The following PI4KA variants were observed in gnomAD, a reference collection of about 807,000 sequenced individuals.
PI4KA encodes PI4-kinase alpha.
A neutral mutation model predicts 271.4 loss-of-function variants in PI4KA; 122 were observed. The observed-to-expected ratio is 0.45, with a 90% CI of 0.39 to 0.52. The LOEUF is 0.52. PI4KA is among the 20% of genes least tolerant of loss of function. PI4KA has a pLI of 0.00. For missense variants in PI4KA, 1,969 were observed against 2,769.1 expected, an observed-to-expected ratio of 0.71 and a Z score of 6.48; for synonymous variants, 1,041 against 1,078.8, an observed-to-expected ratio of 0.96 and a Z score of 0.69.
intron 4 of PI4KA, among the ~76,000 whole-genome samples, chr22:20,821,613 G>A (rs1334969707): frequency 1.3e-5 from 2 of 149,770 alleles, no homozygotes; most frequent in Non-Finnish European, 3.0e-5. Context: ...TTGTTTTGAG[G>A]CGCGGTTTCA....
rs370756011 is a variant in PI4KA at position 20,779,128 on chromosome 22, GTCTA to G, written c.2329-13439_2329-13436del. ...ATGAGTCCCACATCAAAGGTTGGGT[GTCTA>G]TCTACATCAGATTCTCTTAAAGTCC... On this transcript the variant is annotated intron_variant, in intron 19 of 54. Transcript: ENST00000255882. The G allele has an allele frequency of 3.4e-6, 5 of 1,469,098 alleles. No individual in the cohort carries two copies. In the African/African-American group the frequency reaches 5.6e-5, roughly 16 times the overall value. The allele number at this position is 1,469,098 out of a possible 1,614,324, so 91.0% of individuals were successfully genotyped here.
At position 20,808,310 on chromosome 22, in the gene PI4KA, G is replaced by A. The variant is rs373536307; in HGVS notation, c.1072-852C>T. Among the ~76,000 whole-genome samples the A allele has an allele frequency of 2.2e-3, 328 of 151,274 alleles. 2 individuals carry two copies. The highest frequency in any genetic ancestry group is 7.9e-3 in the African/African-American group (326 of 41,142). On this transcript the variant is annotated intron_variant, in intron 9 of 54. Coordinates refer to ENST00000255882, the MANE Select transcript of PI4KA (RefSeq NM_058004.4). ...TGTCTCAAAAAAAAAAAAAGGCTGG[G>A]TGCAGTGGCTCTCGCCTGTAATCCC... is the stretch of plus-strand genomic sequence containing the variant.
chr22:20,721,175 T>TCCCCA (rs2147203818), intron 43 of PI4KA, 123 bp downstream of exon 43: 1 of 939,214 alleles, frequency 1.1e-6, no homozygotes, highest in East Asian at 2.4e-5. Flanking sequence ...CAGCAAAGGG[T>TCCCCA]GGGAGTGGAG....
At position 20,820,633 on chromosome 22, in the gene PI4KA, GA is replaced by G. The variant is rs764245223; in HGVS notation, c.457-23del. On this transcript the variant is annotated intron_variant, in intron 4 of 54. Transcript: ENST00000255882. Reference sequence around the variant, plus strand: ...AAATCTGTAACAGTCAAGGAAACAAGAAAAAAAAAACATAAACAAAATTAGG... The same window carrying G: ...AAATCTGTAACAGTCAAGGAAACAAGAAAAAAAAACATAAACAAAATTAGG... The G allele has an allele frequency of 2.4e-3, 3,348 of 1,376,510 alleles. 8 individuals are homozygous for G. The highest frequency in any genetic ancestry group is 4.5e-3 in the South Asian group (333 of 73,598). The allele number at this position is 1,376,510 out of a possible 1,614,324, so 85.3% of individuals were successfully genotyped here.
chr22:20,856,678 C>T (rs1160138247), intron 1 of PI4KA, among the ~76,000 whole-genome samples: 1 of 152,148 alleles, frequency 6.6e-6, no homozygotes, highest in Non-Finnish European at 1.5e-5. Flanking sequence ...AGTGATCTGC[C>T]TGTCTCAGCC....
intron 32 of PI4KA, among the ~76,000 whole-genome samples, chr22:20,739,400 G>A (rs1414273746): frequency 2.7e-5 from 4 of 149,784 alleles, no homozygotes; most frequent in Non-Finnish European, 5.9e-5. Flanking sequence ...TCAGGAGGCC[G>A]AGGCAGCAGA....
At chr22:20,803,784 T>A (rs566961176) in intron 12 of PI4KA, among the ~76,000 whole-genome samples, 47 of 152,272 alleles carry the variant, frequency 3.1e-4, no homozygotes, top group African/African-American at 1.1e-3. Context: ...TCCCAAAGTA[T>A]CGGGATTACA....
chr22:20,814,560 G>A (rs907188337), intron 7 of PI4KA, among the ~76,000 whole-genome samples: 10 of 151,976 alleles, frequency 6.6e-5, no homozygotes, highest in African/African-American at 2.4e-4. Context: ...GACCAGCCTG[G>A]GCAATATAGG....
intron 1 of PI4KA, among the ~76,000 whole-genome samples, chr22:20,851,488 C>G (rs1478928824): frequency 6.6e-6 from 1 of 152,090 alleles, no homozygotes; most frequent in South Asian, 2.1e-4. Context: ...CAGGCGCACA[C>G]CACCACGCCC....
intron 32 of PI4KA, among the ~76,000 whole-genome samples, chr22:20,737,581 G>A (rs1248444594): frequency 6.6e-6 from 1 of 152,028 alleles, no homozygotes; most frequent in East Asian, 1.9e-4. Flanking sequence ...ACGTGGTCAG[G>A]AGCACCCCCA....
chr22:20,789,968 T>C (rs931861478), intron 19 of PI4KA, among the ~76,000 whole-genome samples: 1 of 152,220 alleles, frequency 6.6e-6, no homozygotes, highest in African/African-American at 2.4e-5. Flanking sequence ...AATACATGAA[T>C]GTTTTTCCAG....
intron 28 of PI4KA, among the ~76,000 whole-genome samples, chr22:20,748,849 G>A (rs1012454916): frequency 3.9e-5 from 6 of 152,122 alleles, no homozygotes; most frequent in Admixed American, 3.3e-4. Flanking sequence ...GGGCAGATTC[G>A]GGGAAGGCTG....
At position 20,752,904 on chromosome 22, in the gene PI4KA, T is replaced by C; in HGVS notation, c.2986A>G (p.Lys996Glu). 6.2e-7 allele frequency: 1 copy of C among 1,614,038 alleles called. No homozygotes were observed. Among genetic ancestry groups the C allele is most frequent in the Non-Finnish European group, 8.5e-7 (1 of 1,179,874 alleles). ...ACATTAGCAGGAAAATGAGCTTACT[T>C]ATCCACCAGACCAGATAGATACTTG... ...ADKYLSGLVD[K>E]FPHLLWSGTV... is the part of the protein sequence containing the mutation. The change falls in exon 25 of 55, where the codon AAG (lysine) becomes GAG (glutamate). Residue 996 changes from lysine to glutamate, a missense_variant and splice_region_variant. Lys to Glu is a moderately conservative substitution (Grantham distance 56). Coordinates refer to ENST00000255882, the MANE Select transcript of PI4KA (RefSeq NM_058004.4).
chr22:20,857,989 A>T (rs1927817426), intron 1 of PI4KA, among the ~76,000 whole-genome samples: 1 of 152,078 alleles, frequency 6.6e-6, no homozygotes, highest in African/African-American at 2.4e-5. Flanking sequence ...CAAACGCACA[A>T]TCTTTTACCC....
At chr22:20,714,745 C>T (rs1360161454) in intron 45 of PI4KA, 45 bp from the exon 46 acceptor site, 7 of 1,587,458 alleles carry the variant, frequency 4.4e-6, no homozygotes, top group Non-Finnish European at 5.2e-6. Context: ...TGTGTCACCA[C>T]AGGTGAGCCA....
chr22:20,767,586 C>T (rs1932649349), intron 19 of PI4KA, among the ~76,000 whole-genome samples: 1 of 152,200 alleles, frequency 6.6e-6, no homozygotes, highest in Admixed American at 6.5e-5. Flanking sequence ...CCTCAGCCTT[C>T]CCAGTAGCAG....
intron 1 of PI4KA, among the ~76,000 whole-genome samples, chr22:20,845,043 A>G (rs2147797616): frequency 6.6e-6 from 1 of 152,284 alleles, no homozygotes; most frequent in African/African-American, 2.4e-5. Flanking sequence ...GGTTATTCCC[A>G]TTTACAAAAA....
chr22:20,785,490 G>A (rs1361958873), intron 19 of PI4KA, among the ~76,000 whole-genome samples: 1 of 152,162 alleles, frequency 6.6e-6, no homozygotes, highest in Non-Finnish European at 1.5e-5. Context: ...TTTATCCCCT[G>A]CAAAGTGCCA....
At chr22:20,765,283 C>G (rs369559088) in intron 20 of PI4KA, 47 bp from the exon 21 acceptor site, 267 of 1,552,758 alleles carry the variant, frequency 1.7e-4, no homozygotes, top group Non-Finnish European at 2.3e-4. Flanking sequence ...GGTCGGAAAG[C>G]ACTGCAGTGA....
Sources: allele counts gnomAD v4.1 joint callset (sites outside exome capture counted in the v4.1 genomes callset), GRCh38; gene constraint gnomAD v4.1.1; transcripts MANE v1.5; gene names NCBI Gene and HGNC (gene_info 2026-07-23, HGNC 2026-07-21).